Variants in SH3RF3 observed in about 807,000 individuals in gnomAD.
The protein encoded by SH3RF3 is SH3 domain containing ring finger 3.
A neutral mutation model predicts 66.3 loss-of-function variants in SH3RF3; 29 were observed. That is an observed-to-expected ratio of 0.44 (90% confidence interval 0.33 to 0.60). The LOEUF is 0.60. Among genes scored for constraint, SH3RF3 ranks in the 20% least tolerant of loss-of-function variants. SH3RF3 has a pLI of 0.04. For missense variants in SH3RF3, 1,194 were observed against 1,190.9 expected (o/e 1.00, Z -0.04); for synonymous variants, 583 against 532.0 (o/e 1.10, Z -1.32).
At chr2:109,196,246 C>G (rs1199559661) in intron 1 of SH3RF3, among the ~76,000 whole-genome samples, 3 of 152,188 alleles carry the variant, frequency 2.0e-5, no homozygotes, top group African/African-American at 7.2e-5. Flanking sequence ...GACTGCCCAC[C>G]CTCCTGCATC....
At chr2:109,204,400 A>G (rs990624858) in intron 1 of SH3RF3, among the ~76,000 whole-genome samples, 12 of 152,252 alleles carry the variant, frequency 7.9e-5, no homozygotes, top group Non-Finnish European at 1.5e-4. Flanking sequence ...ACCAGTTCAC[A>G]TTCAGGTTTT....
intron 5 of SH3RF3, among the ~76,000 whole-genome samples, chr2:109,430,630 AGTT>A (rs533889826): frequency 2.0e-5 from 3 of 151,886 alleles, no homozygotes; most frequent in Non-Finnish European, 4.4e-5. Context: ...TGTTGGCTGC[AGTT>A]GTTTGTCATT....
intron 4 of SH3RF3, among the ~76,000 whole-genome samples, chr2:109,405,237 A>C (rs529382000): frequency 6.6e-6 from 1 of 152,050 alleles, no homozygotes; most frequent in Non-Finnish European, 1.5e-5. Flanking sequence ...AACCGATGAC[A>C]CCCCTCTTTC....
chr2:109,314,621 A>G (rs1023399415), intron 1 of SH3RF3, among the ~76,000 whole-genome samples: 7 of 152,250 alleles, frequency 4.6e-5, no homozygotes, highest in Admixed American at 2.6e-4. Context: ...GTCACTCTCC[A>G]TGGTCTTTAA....
chr2:109,184,719 C>T (rs151109987), intron 1 of SH3RF3, among the ~76,000 whole-genome samples: 2,394 of 152,310 alleles, frequency 0.016, 29 homozygotes, highest in Non-Finnish European at 0.025. Context: ...CCAAGTGCCT[C>T]CTGTGAATGT....
chr2:109,216,291 G>T (rs555627218), intron 1 of SH3RF3, among the ~76,000 whole-genome samples: 1 of 152,308 alleles, frequency 6.6e-6, no homozygotes, highest in South Asian at 2.1e-4. Flanking sequence ...AAAGGGAAGG[G>T]GATTAAAGGA....
At chr2:109,134,302 G>A (rs1466422416) in intron 1 of SH3RF3, among the ~76,000 whole-genome samples, 1 of 152,076 alleles carries the variant, frequency 6.6e-6, no homozygotes, top group African/African-American at 2.4e-5. Context: ...GTCGTGGTTC[G>A]GTCTTGGATA....
chr2:109,247,465 TC>T (rs1203163976), intron 1 of SH3RF3, among the ~76,000 whole-genome samples: 39 of 152,356 alleles, frequency 2.6e-4, no homozygotes, highest in Middle Eastern at 6.8e-3. Context: ...TGAGGACACT[TC>T]CTGGAAGTTT....
intron 4 of SH3RF3, among the ~76,000 whole-genome samples, chr2:109,400,209 C>T (rs1355564392): frequency 6.6e-6 from 1 of 152,196 alleles, no homozygotes; most frequent in Non-Finnish European, 1.5e-5. Flanking sequence ...CCCCTACACA[C>T]ACTTGCACAC....
intron 1 of SH3RF3, among the ~76,000 whole-genome samples, chr2:109,151,359 A>G (rs1241055541): frequency 6.6e-6 from 1 of 152,186 alleles, no homozygotes; most frequent in African/African-American, 2.4e-5. Context: ...ATGAAAAGCT[A>G]ATGGTTTAAC....
intron 4 of SH3RF3, among the ~76,000 whole-genome samples, chr2:109,404,586 C>T (rs1376657290): frequency 2.0e-5 from 3 of 152,134 alleles, no homozygotes; most frequent in African/African-American, 7.2e-5. Context: ...CTGGGCACCT[C>T]CCAGAGGCTG....
chr2:109,312,031 T>TGTG (rs10648951), intron 1 of SH3RF3, among the ~76,000 whole-genome samples: 47,276 of 151,886 alleles, frequency 0.31, 9,104 homozygotes, highest in African/African-American at 0.55. Flanking sequence ...ACTTGAGCGT[T>TGTG]GTGGCCGGTG....
chr2:109,207,260 T>G (rs144296981), intron 1 of SH3RF3, among the ~76,000 whole-genome samples: 1 of 152,282 alleles, frequency 6.6e-6, no homozygotes, highest in African/African-American at 2.4e-5. Flanking sequence ...CTGGATAATT[T>G]TGGTGTATGG....
intron 1 of SH3RF3, among the ~76,000 whole-genome samples, chr2:109,266,358 T>G (rs1040991114): frequency 2.0e-5 from 3 of 151,910 alleles, no homozygotes; most frequent in African/African-American, 7.3e-5. Flanking sequence ...ATACACAGGA[T>G]CCACTCTGCA....
chr2:109,347,619 G>A (rs1682740324), intron 1 of SH3RF3, 55 bp from the exon 2 acceptor site: 5 of 1,583,150 alleles, frequency 3.2e-6, no homozygotes, highest in Non-Finnish European at 3.4e-6. Flanking sequence ...CAGATCCACT[G>A]TGGGGCATTG....
At chr2:109,189,877 A>G (rs1678300710) in intron 1 of SH3RF3, among the ~76,000 whole-genome samples, 1 of 152,158 alleles carries the variant, frequency 6.6e-6, no homozygotes, top group African/African-American at 2.4e-5. Context: ...AGTGGTTGGC[A>G]TAAGGTTGGA....
At chr2:109,186,281 T>C (rs371398379) in intron 1 of SH3RF3, among the ~76,000 whole-genome samples, 3 of 152,376 alleles carry the variant, frequency 2.0e-5, no homozygotes, top group South Asian at 4.1e-4. Context: ...TGAATTCATG[T>C]AATCCTGACT....
intron 1 of SH3RF3, among the ~76,000 whole-genome samples, chr2:109,285,765 C>T (rs2105353234): frequency 6.6e-6 from 1 of 152,344 alleles, no homozygotes; most frequent in East Asian, 1.9e-4. Flanking sequence ...AACCTGGATC[C>T]AGACCTGGCA....
intron 1 of SH3RF3, among the ~76,000 whole-genome samples, chr2:109,195,621 T>A (rs1678479277): frequency 6.6e-6 from 1 of 152,336 alleles, no homozygotes; most frequent in South Asian, 2.1e-4. Context: ...TCTGGAAGGA[T>A]GCCTCTTTCC....
Sources: allele counts gnomAD v4.1 joint callset (sites outside exome capture counted in the v4.1 genomes callset), GRCh38; gene constraint gnomAD v4.1.1; transcripts MANE v1.5; gene names NCBI Gene and HGNC (gene_info 2026-07-23, HGNC 2026-07-21).